CTSB: variants seen among roughly 807,000 people sequenced by gnomAD.
CTSB encodes APP secretase.
In CTSB, 57 loss-of-function variants were observed where a neutral mutation model predicts 44.3. The observed-to-expected ratio is 1.29, with a 90% CI of 1.04 to 1.60. The LOEUF is 1.60. Among genes scored for constraint, CTSB ranks in the 40% most tolerant of loss-of-function variants. The probability of loss-of-function intolerance (pLI) is 0.00; values close to 1 mark genes in which losing one functional copy is unlikely to be tolerated. For missense variants in CTSB, 768 were observed against 443.0 expected (o/e 1.73, Z -6.59); for synonymous variants, 320 against 168.0 (o/e 1.91, Z -7.00).
intron 8 of CTSB, among the ~76,000 whole-genome samples, 193 bp from the exon 9 acceptor site, chr8:11,845,982 C>G (rs1224317289): frequency 3.9e-5 from 6 of 152,216 alleles, no homozygotes; most frequent in African/African-American, 1.2e-4. Context: ...GCCCAACACA[C>G]TCAAAGTTGT....
intron 1 of CTSB, among the ~76,000 whole-genome samples, chr8:11,855,136 C>T (rs1286352158): frequency 6.6e-6 from 1 of 152,206 alleles, no homozygotes; most frequent in African/African-American, 2.4e-5. Flanking sequence ...TATTCTCCTA[C>T]CTCAGCTTCC....
At chr8:11,847,369 C>A (rs1692818) in intron 7 of CTSB, among the ~76,000 whole-genome samples, 2 of 151,932 alleles carry the variant, frequency 1.3e-5, no homozygotes, top group Non-Finnish European at 2.9e-5. Context: ...AATGGGAGAA[C>A]GGAGCAATGA....
intron 7 of CTSB, among the ~76,000 whole-genome samples, chr8:11,847,378 G>A (rs994665013): frequency 6.6e-6 from 1 of 152,166 alleles, no homozygotes; most frequent in Non-Finnish European, 1.5e-5. Flanking sequence ...ACGGAGCAAT[G>A]AGCACGAGGC....
intron 1 of CTSB, among the ~76,000 whole-genome samples, chr8:11,859,188 C>A (rs1265166388): frequency 6.6e-6 from 1 of 152,132 alleles, no homozygotes; most frequent in Non-Finnish European, 1.5e-5. Context: ...ACCTGCAGAG[C>A]ACTTATGAGA....
Position 11,849,343 on chromosome 8 carries a change from G to C in CTSB, c.328-179C>G, listed in dbSNP as rs979416353. 98 of 500,416 alleles carry C rather than the reference G, an allele frequency of 2.0e-4. 1 individual carries two copies. Among genetic ancestry groups the C allele is most frequent in the Non-Finnish European group, 1.3e-4 (34 of 271,506 alleles). 31.0% of individuals were successfully genotyped at this position (500,416 alleles called of 1,614,324 possible). On this transcript the variant is annotated intron_variant, in intron 4 of 9. Coordinates refer to ENST00000353047, the MANE Select transcript of CTSB (RefSeq NM_001908.5). ...TTTTCTTTGGTAGAAATGGGGTCTT[G>C]CTACGTTGGCCAGACTGGTCTTGAA...
At position 11,844,026 on chromosome 8, in the gene CTSB, C is replaced by CT. The variant is rs1403922289; in HGVS notation, c.*1098dup. Reference sequence around the variant, plus strand: ...CCAGCCTGGGAGACGGAATCTCACTCTGTCAGTCACAACAACAACAAAAAA... The same window carrying CT: ...CCAGCCTGGGAGACGGAATCTCACTCTTGTCAGTCACAACAACAACAAAAAA... On this transcript the variant is annotated 3_prime_UTR_variant, in exon 10 of 10. Transcript: ENST00000353047. 2.3e-4 allele frequency: 35 copies of CT among 152,280 alleles called. No individual in the cohort carries two copies. Among genetic ancestry groups the CT allele is most frequent in the African/African-American group, 8.2e-4 (34 of 41,548 alleles). The allele number at this position is 152,280 out of a possible 1,614,324, so 9.4% of individuals were successfully genotyped here.
At position 11,849,075 on chromosome 8, in the gene CTSB, G is replaced by A. The variant is rs769781233; in HGVS notation, c.417C>T (p.Leu139=). 6 of 1,613,250 alleles carry A rather than the reference G, an allele frequency of 3.7e-6. No individual in the cohort carries two copies. The African/African-American group carries it at 4.0e-5, about 11-fold the overall frequency. ...CCCCACACATGCTGCCACAGCATGT[G>A]AGCAGGTCCTCCGCCGACACCTCCA... ...VSVEVSAEDL[L]TCCGSMCGDG... Residue 139 remains leucine, a synonymous_variant, in exon 5 of 10, where the codon CTC becomes CTT. Transcript: ENST00000353047.
At position 11,844,988 on chromosome 8, in the gene CTSB, G is replaced by C; in HGVS notation, c.*137C>G. On this transcript the variant is annotated 3_prime_UTR_variant, in exon 10 of 10. Coordinates refer to ENST00000353047, the MANE Select transcript of CTSB (RefSeq NM_001908.5). ...GATGTAGCCAGGACTTGGTCTCCTTGGAAGACAGGTCTGATGTTTGGCCAA... is the reference window on the plus strand; with the variant it reads ...GATGTAGCCAGGACTTGGTCTCCTTCGAAGACAGGTCTGATGTTTGGCCAA... The C allele has an allele frequency of 1.5e-6, 1 of 651,360 alleles. No individual in the cohort carries two copies. The highest frequency in any genetic ancestry group is 2.7e-6 in the Non-Finnish European group (1 of 367,296). The allele number at this position is 651,360 out of a possible 1,614,324, so 40.3% of individuals were successfully genotyped here.
Position 11,845,000 on chromosome 8 carries a change from T to C in CTSB, c.*125A>G. ...ACTTGGTCTCCTTGGAAGACAGGTCTGATGTTTGGCCAATCCAGTCCTTCA... is the reference window on the plus strand; with the variant it reads ...ACTTGGTCTCCTTGGAAGACAGGTCCGATGTTTGGCCAATCCAGTCCTTCA... On this transcript the variant is annotated 3_prime_UTR_variant, in exon 10 of 10. Coordinates refer to ENST00000353047, the MANE Select transcript of CTSB (RefSeq NM_001908.5). The C allele has an allele frequency of 1.5e-6, 1 of 680,194 alleles. No individual in the cohort carries two copies. Among genetic ancestry groups the C allele is most frequent in the Non-Finnish European group, 2.6e-6 (1 of 385,860 alleles). The allele number at this position is 680,194 out of a possible 1,614,324, so 42.1% of individuals were successfully genotyped here.
rs200664537 is a variant in CTSB at position 11,847,084 on chromosome 8, G to C, written c.761C>G (p.Ser254Cys). 178 of 1,608,598 alleles carry C rather than the reference G, an allele frequency of 1.1e-4. No homozygotes were observed. The highest frequency in any genetic ancestry group is 1.4e-4 in the Non-Finnish European group (159 of 1,176,316). ...YKNGPVEGAFSVYSDFLLYKS... is the reference protein window; with the variant it reads ...YKNGPVEGAFCVYSDFLLYKS... Reference sequence around the variant, plus strand: ...GTAGAGCAGGAAGTCCGAATACACAGAGAAAGCTCCCTCCACGGGGCCGTT... The same window carrying C: ...GTAGAGCAGGAAGTCCGAATACACACAGAAAGCTCCCTCCACGGGGCCGTT... Residue 254 changes from serine to cysteine, a missense_variant, in exon 8 of 10, where the codon TCT (serine) becomes TGT (cysteine). Ser to Cys is a moderately radical substitution (Grantham distance 112, BLOSUM62 -1). Transcript: ENST00000353047.
At chr8:11,854,253 G>T (rs1242981970) in intron 1 of CTSB, among the ~76,000 whole-genome samples, 2 of 152,180 alleles carry the variant, frequency 1.3e-5, no homozygotes, top group Non-Finnish European at 2.9e-5. Flanking sequence ...GGGGAGCTGG[G>T]TGAGGCAGGG....
chr8:11,846,990 C>G (rs898336891), intron 8 of CTSB, 62 bp downstream of exon 8: 15 of 875,518 alleles, frequency 1.7e-5, no homozygotes, highest in Non-Finnish European at 2.5e-5. Context: ...CATGAACCAT[C>G]CTGGCACCCA....
At chr8:11,863,911 A>G (rs936654412) in intron 1 of CTSB, among the ~76,000 whole-genome samples, 3 of 152,194 alleles carry the variant, frequency 2.0e-5, no homozygotes, top group African/African-American at 7.2e-5. Flanking sequence ...ACCCAGAAAC[A>G]AACTCTCCCA....
chr8:11,857,039 T>C (rs891834893), intron 1 of CTSB, among the ~76,000 whole-genome samples: 9 of 152,144 alleles, frequency 5.9e-5, no homozygotes, highest in African/African-American at 1.4e-4. Context: ...CCTAGTGACT[T>C]TGAGATGGGA....
At chr8:11,863,829 G>C (rs1196727973) in intron 1 of CTSB, among the ~76,000 whole-genome samples, 1 of 152,152 alleles carries the variant, frequency 6.6e-6, no homozygotes, top group Non-Finnish European at 1.5e-5. Flanking sequence ...TGCTGGGCGA[G>C]TAAATTGATG....
chr8:11,845,549 CCGT>C, intron 9 of CTSB, 109 bp downstream of exon 9: 1 of 1,315,796 alleles, frequency 7.6e-7, no homozygotes, highest in South Asian at 1.5e-5. Flanking sequence ...CACAGCCTGG[CCGT>C]AGGTCCAGGG....
chr8:11,861,421 G>A (rs1378204615), intron 1 of CTSB: 1 of 152,434 alleles, frequency 6.6e-6, no homozygotes, highest in East Asian at 1.9e-4. Flanking sequence ...AATCATCTAT[G>A]CAAACCAGGT....
chr8:11,866,281 G>C (rs1344292862), intron 1 of CTSB, among the ~76,000 whole-genome samples: 2 of 152,190 alleles, frequency 1.3e-5, no homozygotes, highest in African/African-American at 2.4e-5. Context: ...GTTTCAACCT[G>C]GAACCAAAGG....
At chr8:11,848,622 G>A (rs899131126) in intron 5 of CTSB, 19 of 306,904 alleles carry the variant, frequency 6.2e-5, no homozygotes, top group East Asian at 7.9e-5. Flanking sequence ...CCGCTACTGC[G>A]GAACCAAGGC....
Sources: gnomAD v4.1 joint callset for allele counts (sites outside exome capture counted in the v4.1 genomes callset) on GRCh38, gnomAD v4.1.1 for gene constraint, MANE v1.5 for transcripts, NCBI Gene and HGNC (gene_info 2026-07-23, HGNC 2026-07-21) for gene names.